Variants in TTC23 observed in about 807,000 individuals in gnomAD.
TTC23 encodes tetratricopeptide repeat domain 23, also known as tetratricopeptide repeat protein 23.
TTC23 carries 58 observed loss-of-function variants against 55.1 expected under a neutral mutation model. The ratio of observed to expected loss-of-function variants is 1.05; its 90% confidence interval spans 0.85 to 1.31. TTC23 has a LOEUF of 1.31. TTC23 is among the 50% of genes most tolerant of loss of function. The pLI, the probability that TTC23 is intolerant of heterozygous loss-of-function variation, is 0.00. For missense variants in TTC23, 516 were observed against 534.4 expected (o/e 0.97, Z 0.34); for synonymous variants, 203 against 199.9 (o/e 1.02, Z -0.13).
chr15:99,246,029 C>G (rs933255877), intron 1 of TTC23, among the ~76,000 whole-genome samples: 3 of 151,926 alleles, frequency 2.0e-5, no homozygotes, highest in Non-Finnish European at 4.4e-5. Context: ...AGGCTGTTCT[C>G]GAGCTCCTGA....
At chr15:99,230,208 A>G (rs1008279332) in intron 4 of TTC23, among the ~76,000 whole-genome samples, 2 of 152,178 alleles carry the variant, frequency 1.3e-5, no homozygotes, top group African/African-American at 4.8e-5. Context: ...AATAAAAAAG[A>G]CCCAAATGGA....
At chr15:99,195,642 T>C (rs555682557) in intron 9 of TTC23, among the ~76,000 whole-genome samples, 2 of 152,246 alleles carry the variant, frequency 1.3e-5, no homozygotes, top group South Asian at 4.1e-4. Flanking sequence ...CGTGATATTA[T>C]AATGGTAAAT....
chr15:99,149,399 G>A (rs892841615), intron 12 of TTC23, among the ~76,000 whole-genome samples: 3 of 152,028 alleles, frequency 2.0e-5, no homozygotes, highest in Admixed American at 2.0e-4. Flanking sequence ...CAAACCAAAG[G>A]AAAAAGGGGT....
At chr15:99,145,226 A>G (rs1555492516) in intron 12 of TTC23, 1 of 152,238 alleles carries the variant, frequency 6.6e-6, no homozygotes. Context: ...CTGTCTGCTG[A>G]ACACCAGCAA....
chr15:99,214,464 C>T (rs528089886), intron 8 of TTC23, among the ~76,000 whole-genome samples: 11 of 143,700 alleles, frequency 7.7e-5, no homozygotes, highest in East Asian at 2.1e-4. Flanking sequence ...GCCGAGATCG[C>T]GCCATTGCAC....
At chr15:99,173,614 A>T (rs1038077860) in intron 10 of TTC23, among the ~76,000 whole-genome samples, 3 of 152,140 alleles carry the variant, frequency 2.0e-5, no homozygotes, top group Non-Finnish European at 2.9e-5. Flanking sequence ...TTAAAAAAAA[A>T]TTGAAGATTC....
intron 9 of TTC23, among the ~76,000 whole-genome samples, chr15:99,187,167 CCAA>C (rs1365852340): frequency 1.3e-5 from 2 of 151,730 alleles, no homozygotes; most frequent in Non-Finnish European, 2.9e-5. Context: ...ATATTTATGG[CCAA>C]TTTATTTTGA....
At chr15:99,230,000 C>A (rs955178646) in intron 4 of TTC23, among the ~76,000 whole-genome samples, 1 of 152,146 alleles carries the variant, frequency 6.6e-6, no homozygotes, top group South Asian at 2.1e-4. Context: ...CAACACCTAA[C>A]GAGGTAAAAT....
At chr15:99,199,876 T>C (rs754880365) in intron 9 of TTC23, 43 bp downstream of exon 9, 12 of 1,540,690 alleles carry the variant, frequency 7.8e-6, no homozygotes, top group Non-Finnish European at 7.9e-6. Context: ...ATGAAAAGCA[T>C]TGGGCCTAGA....
chr15:99,159,455 G>A (rs2071057863), intron 11 of TTC23: 1 of 152,246 alleles, frequency 6.6e-6, no homozygotes. Context: ...AGAATAATGG[G>A]GAGTATCTAA....
At chr15:99,240,116 G>C (rs1322639820) in intron 3 of TTC23, among the ~76,000 whole-genome samples, 1 of 152,136 alleles carries the variant, frequency 6.6e-6, no homozygotes, top group Non-Finnish European at 1.5e-5. Flanking sequence ...TTATAAACAG[G>C]AATGCAACAT....
At chr15:99,232,336 G>A (rs555659621) in intron 4 of TTC23, among the ~76,000 whole-genome samples, 2 of 151,456 alleles carry the variant, frequency 1.3e-5, no homozygotes, top group African/African-American at 4.8e-5. Flanking sequence ...AAAATTAGCT[G>A]GGCGTGGTGG....
chr15:99,188,731 T>C (rs2074963934), intron 9 of TTC23, among the ~76,000 whole-genome samples: 1 of 152,074 alleles, frequency 6.6e-6, no homozygotes, highest in African/African-American at 2.4e-5. Flanking sequence ...TTTTAAAAAA[T>C]ATAAATGCAA....
chr15:99,170,888 G>A (rs1669423694), intron 10 of TTC23, among the ~76,000 whole-genome samples: 1 of 152,230 alleles, frequency 6.6e-6, no homozygotes, highest in African/African-American at 2.4e-5. Context: ...AACACGTGCT[G>A]GCCTGGGGAG....
intron 9 of TTC23, among the ~76,000 whole-genome samples, chr15:99,189,029 C>T (rs1010175756): frequency 1.4e-5 from 2 of 147,860 alleles, no homozygotes; most frequent in South Asian, 2.1e-4. Context: ...AGATACAACT[C>T]CAACAATAAA....
chr15:99,175,061 T>A lies in TTC23; in HGVS notation c.854A>T (p.His285Leu), dbSNP rs775901537. The part of the protein sequence containing the change: ...VAHAAVASGR[H>L]EHHDVAEQYF... ...AGGATTCTTCTCACCATGGTGCTCGTGTCTCCCTGAAGCGACAGCAGCATG... is the reference window on the plus strand; with the variant it reads ...AGGATTCTTCTCACCATGGTGCTCGAGTCTCCCTGAAGCGACAGCAGCATG... The change falls in exon 10 of 14, where the codon CAC becomes CTC. Residue 285 changes from histidine (H) to leucine (L), a missense_variant. Coordinates refer to ENST00000394132, the MANE Select transcript of TTC23 (RefSeq NM_001288615.3). The A allele has an allele frequency of 6.2e-6, 10 of 1,614,100 alleles. No individual in the cohort carries two copies. Among genetic ancestry groups the A allele is most frequent in the Non-Finnish European group, 7.6e-6 (9 of 1,179,992 alleles).
At chr15:99,236,848 C>T (rs1312018189) in intron 3 of TTC23, among the ~76,000 whole-genome samples, 1 of 152,108 alleles carries the variant, frequency 6.6e-6, no homozygotes, top group Non-Finnish European at 1.5e-5. Context: ...TGTTTTTGCA[C>T]AAAAGTTTTC....
chr15:99,237,552 C>T (rs553509987), intron 3 of TTC23, among the ~76,000 whole-genome samples: 8 of 152,254 alleles, frequency 5.3e-5, no homozygotes, highest in South Asian at 2.1e-4. Flanking sequence ...GTACATATCA[C>T]GTGATTCCAT....
chr15:99,170,653 C>A (rs2072794603), intron 10 of TTC23, among the ~76,000 whole-genome samples: 1 of 152,208 alleles, frequency 6.6e-6, no homozygotes, highest in Non-Finnish European at 1.5e-5. Context: ...GCAAATTGCC[C>A]TCTCTTATTT....
Sources: gnomAD v4.1 joint callset for allele counts (sites outside exome capture counted in the v4.1 genomes callset) on GRCh38, gnomAD v4.1.1 for gene constraint, MANE v1.5 for transcripts, NCBI Gene and HGNC (gene_info 2026-07-23, HGNC 2026-07-21) for gene names.